CSMD1: variants seen among roughly 807,000 people sequenced by gnomAD.
The protein encoded by CSMD1 is CUB and Sushi multiple domains 1, also known as CUB and sushi domain-containing protein 1.
CSMD1 carries 213 observed loss-of-function variants against 417.5 expected under a neutral mutation model. That is an observed-to-expected ratio of 0.51 (90% confidence interval 0.46 to 0.57). The LOEUF is 0.57. CSMD1 is among the 20% of genes least tolerant of loss of function. The pLI, the probability that CSMD1 is intolerant of heterozygous loss-of-function variation, is 0.00. For synonymous variants in CSMD1, 2,862 were observed against 1,736.8 expected, an observed-to-expected ratio of 1.65 and a Z score of -16.11; for missense variants, 6,923 against 4,529.7, an observed-to-expected ratio of 1.53 and a Z score of -15.17.
chr8:3,771,660 A>C (rs958738757), intron 5 of CSMD1, among the ~76,000 whole-genome samples: 3 of 152,168 alleles, frequency 2.0e-5, no homozygotes, highest in Non-Finnish European at 4.4e-5. Flanking sequence ...CCAGGAAGCA[A>C]AACACAGGAG....
Position 3,748,380 on chromosome 8 carries a change from T to C in CSMD1, c.931+5550A>G, listed in dbSNP as rs145751860. ...CCTAATAGTTCCCTCAAATACAAGATAGCAAGGGAGGTCCACTGCCATGGA... is the reference window on the plus strand; with the variant it reads ...CCTAATAGTTCCCTCAAATACAAGACAGCAAGGGAGGTCCACTGCCATGGA... On this transcript the variant is annotated intron_variant, in intron 6 of 69. Coordinates refer to ENST00000635120, the MANE Select transcript of CSMD1 (RefSeq NM_033225.6). Among the ~76,000 whole-genome samples the C allele has an allele frequency of 1.3e-4, 20 of 152,206 alleles. No individual in the cohort carries two copies. The East Asian group carries it at 2.7e-3, about 21-fold the overall frequency.
intron 2 of CSMD1, among the ~76,000 whole-genome samples, chr8:4,536,790 G>A (rs1015402509): frequency 2.0e-5 from 3 of 152,142 alleles, no homozygotes; most frequent in African/African-American, 7.2e-5. Flanking sequence ...TCAGATCATA[G>A]CACCTGTATC....
intron 6 of CSMD1, among the ~76,000 whole-genome samples, chr8:3,748,558 T>G (rs1370161565): frequency 3.3e-5 from 5 of 152,172 alleles, no homozygotes; most frequent in Non-Finnish European, 7.3e-5. Flanking sequence ...TTGTTATTAT[T>G]TTTACACTGT....
intron 26 of CSMD1, among the ~76,000 whole-genome samples, chr8:3,262,217 A>C (rs1432914889): frequency 3.3e-5 from 4 of 122,702 alleles, no homozygotes; most frequent in African/African-American, 1.3e-4. Flanking sequence ...ATATATATAT[A>C]TATATATATA....
At chr8:4,509,776 A>G (rs889171927) in intron 2 of CSMD1, among the ~76,000 whole-genome samples, 5 of 152,158 alleles carry the variant, frequency 3.3e-5, no homozygotes, top group Non-Finnish European at 7.3e-5. Context: ...ACTAAATATC[A>G]TATTATCATT....
chr8:4,350,021 T>C (rs1028070099), intron 3 of CSMD1, among the ~76,000 whole-genome samples: 3 of 152,138 alleles, frequency 2.0e-5, no homozygotes, highest in Admixed American at 2.0e-4. Flanking sequence ...ATCTTGTCTT[T>C]TCCTTGACTA....
chr8:4,971,834 T>C (rs1191045685), intron 1 of CSMD1, among the ~76,000 whole-genome samples: 15 of 152,096 alleles, frequency 9.9e-5, no homozygotes. Flanking sequence ...TTGATTTGTC[T>C]CATTAATTTT....
At chr8:3,369,653 G>C (rs1203819662) in intron 18 of CSMD1, among the ~76,000 whole-genome samples, 5 of 152,150 alleles carry the variant, frequency 3.3e-5, no homozygotes, top group Admixed American at 6.5e-5. Flanking sequence ...TGCAGACATG[G>C]TACAGGTTTG....
At chr8:3,488,237 G>A (rs1398008590) in intron 11 of CSMD1, among the ~76,000 whole-genome samples, 1 of 151,906 alleles carries the variant, frequency 6.6e-6, no homozygotes, top group Admixed American at 6.6e-5. Context: ...TGAGTAGCTG[G>A]GACTGCAGGC....
At chr8:3,334,269 T>A (rs1807098250) in intron 23 of CSMD1, among the ~76,000 whole-genome samples, 1 of 152,196 alleles carries the variant, frequency 6.6e-6, no homozygotes, top group South Asian at 2.1e-4. Flanking sequence ...ACCCTGCTCT[T>A]CACCTTCAGG....
chr8:4,489,541 G>A (rs539368666), intron 2 of CSMD1, among the ~76,000 whole-genome samples: 70 of 152,310 alleles, frequency 4.6e-4, no homozygotes, highest in Admixed American at 9.8e-4. Context: ...ATGATTGTGT[G>A]GCAGACAGGC....
At chr8:3,727,383 C>T (rs545824742) in intron 6 of CSMD1, among the ~76,000 whole-genome samples, 10 of 152,222 alleles carry the variant, frequency 6.6e-5, no homozygotes, top group South Asian at 2.1e-4. Flanking sequence ...CTGGCAGCCC[C>T]GCCCAGGTAC....
At chr8:4,082,015 T>G (rs776154265) in intron 3 of CSMD1, among the ~76,000 whole-genome samples, 1 of 152,074 alleles carries the variant, frequency 6.6e-6, no homozygotes, top group Non-Finnish European at 1.5e-5. Flanking sequence ...TATAAAATTT[T>G]AAAAGGCAAA....
At chr8:4,160,461 G>A (rs1474982144) in intron 3 of CSMD1, among the ~76,000 whole-genome samples, 2 of 152,282 alleles carry the variant, frequency 1.3e-5, no homozygotes, top group Middle Eastern at 3.4e-3. Context: ...TAAAGTAAGT[G>A]TTGGTCATGT....
chr8:4,381,750 TTTTTTGTTTTG>T (rs1803120142), intron 3 of CSMD1, among the ~76,000 whole-genome samples: 1 of 152,124 alleles, frequency 6.6e-6, no homozygotes, highest in South Asian at 2.1e-4. Context: ...GATGCTATGT[TTTTTTGTTTTG>T]TTTTTGTTTT....
intron 3 of CSMD1, among the ~76,000 whole-genome samples, chr8:4,173,706 T>C (rs1304695948): frequency 2.0e-5 from 3 of 152,128 alleles, no homozygotes; most frequent in East Asian, 1.9e-4. Context: ...ACTCAAATAA[T>C]TCAGCAATCA....
At chr8:4,232,468 G>A (rs1801796087) in intron 3 of CSMD1, among the ~76,000 whole-genome samples, 1 of 152,046 alleles carries the variant, frequency 6.6e-6, no homozygotes, top group African/African-American at 2.4e-5. Flanking sequence ...CAAAGTGCTG[G>A]GATTACAGGC....
intron 3 of CSMD1, among the ~76,000 whole-genome samples, chr8:4,366,889 T>C (rs955341559): frequency 1.3e-5 from 2 of 152,082 alleles, no homozygotes; most frequent in African/African-American, 4.8e-5. Context: ...ATTTTTTTAA[T>C]AGGGTTGTTT....
intron 10 of CSMD1, among the ~76,000 whole-genome samples, chr8:3,558,320 T>G (rs1378756356): frequency 1.4e-5 from 2 of 138,756 alleles, no homozygotes; most frequent in African/African-American, 5.1e-5. Flanking sequence ...CCTCCAATGA[T>G]GAATGATGCC....
Sources: allele counts gnomAD v4.1 joint callset (sites outside exome capture counted in the v4.1 genomes callset), GRCh38; gene constraint gnomAD v4.1.1; transcripts MANE v1.5; gene names NCBI Gene and HGNC (gene_info 2026-07-23, HGNC 2026-07-21).